PAK5: variants seen among roughly 807,000 people sequenced by gnomAD.
PAK5 encodes serine/threonine-protein kinase PAK 5.
A neutral mutation model predicts 65.9 loss-of-function variants in PAK5; 16 were observed. The ratio of observed to expected loss-of-function variants is 0.24; its 90% CI spans 0.16 to 0.37. The LOEUF is 0.37. Ranked by LOEUF, PAK5 falls within the 10% of genes least tolerant of loss-of-function variation. The pLI, the probability that PAK5 is intolerant of heterozygous loss-of-function variation, is 1.00. For synonymous variants in PAK5, 371 were observed against 354.9 expected, an observed-to-expected ratio of 1.05 and a Z score of -0.51; for missense variants, 785 against 903.9, an observed-to-expected ratio of 0.87 and a Z score of 1.69.
chr20:9,619,401 G>T (rs994851394), intron 3 of PAK5, among the ~76,000 whole-genome samples: 2 of 152,158 alleles, frequency 1.3e-5, no homozygotes, highest in Admixed American at 6.5e-5. Flanking sequence ...CTTTGAAGGA[G>T]ACACACTTGG....
chr20:9,540,501 TCA>T (rs2045243866), intron 9 of PAK5, among the ~76,000 whole-genome samples: 1 of 152,114 alleles, frequency 6.6e-6, no homozygotes, highest in Non-Finnish European at 1.5e-5. Flanking sequence ...CTTCTTTCAC[TCA>T]GTGTTGTATC....
chr20:9,722,673 C>A (rs1346660086), intron 1 of PAK5, among the ~76,000 whole-genome samples: 1 of 151,974 alleles, frequency 6.6e-6, no homozygotes, highest in Non-Finnish European at 1.5e-5. Context: ...GTGACCAGAC[C>A]ACGCATGGCT....
chr20:9,755,164 C>T (rs1160331993), intron 1 of PAK5, among the ~76,000 whole-genome samples: 1 of 152,178 alleles, frequency 6.6e-6, no homozygotes, highest in Non-Finnish European at 1.5e-5. Context: ...ACTTATTATA[C>T]TCAGGCAGTT....
chr20:9,679,858 C>A (rs138154527), intron 2 of PAK5, among the ~76,000 whole-genome samples: 15 of 152,334 alleles, frequency 9.8e-5, no homozygotes, highest in African/African-American at 3.6e-4. Flanking sequence ...AAAAGCGCAT[C>A]TCAGGAATGC....
intron 2 of PAK5, among the ~76,000 whole-genome samples, chr20:9,701,945 A>G (rs1312479069): frequency 6.6e-6 from 1 of 152,140 alleles, no homozygotes; most frequent in Non-Finnish European, 1.5e-5. Context: ...AGCTGCTGTA[A>G]GCCATGACTG....
At chr20:9,606,752 G>A (rs963782876) in intron 3 of PAK5, among the ~76,000 whole-genome samples, 2 of 152,172 alleles carry the variant, frequency 1.3e-5, no homozygotes, top group African/African-American at 4.8e-5. Flanking sequence ...TTGATCTGAT[G>A]TGTTTCCTTT....
Position 9,596,463 on chromosome 20 carries a change from C to T in PAK5, c.205-15533G>A, listed in dbSNP as rs375702625. Reference sequence around the variant, plus strand: ...CATCCTGGCTAACACAGTGAAACCCCGTCTCTACTAAAAATACAAAAAATT... The same window carrying T: ...CATCCTGGCTAACACAGTGAAACCCTGTCTCTACTAAAAATACAAAAAATT... On this transcript the variant is annotated intron_variant, in intron 3 of 9. Transcript: ENST00000353224. 1.6e-4 allele frequency among the ~76,000 whole-genome samples: 24 copies of T among 151,874 alleles called. 1 individual carries two copies. Among genetic ancestry groups the T allele is most frequent in the African/African-American group, 2.4e-4 (10 of 41,398 alleles).
chr20:9,757,377 T>C (rs766200693), intron 1 of PAK5, among the ~76,000 whole-genome samples: 6 of 152,128 alleles, frequency 3.9e-5, no homozygotes, highest in Non-Finnish European at 5.9e-5. Flanking sequence ...CCAAGATAGG[T>C]TGAAAATAAA....
At chr20:9,805,555 A>C (rs1203204362) in intron 1 of PAK5, among the ~76,000 whole-genome samples, 1 of 152,212 alleles carries the variant, frequency 6.6e-6, no homozygotes, top group Non-Finnish European at 1.5e-5. Context: ...AAGGAACAAA[A>C]TACTGATACA....
chr20:9,712,399 G>T (rs2048088628), intron 1 of PAK5, among the ~76,000 whole-genome samples: 1 of 152,036 alleles, frequency 6.6e-6, no homozygotes, highest in African/African-American at 2.4e-5. Flanking sequence ...CTTCATGAAA[G>T]ACCCAGGAAA....
At chr20:9,685,716 T>A (rs543625107) in intron 2 of PAK5, among the ~76,000 whole-genome samples, 4 of 152,348 alleles carry the variant, frequency 2.6e-5, no homozygotes, top group African/African-American at 9.6e-5. Flanking sequence ...ACAGTATCTG[T>A]ATAATTGGGA....
chr20:9,665,246 G>C, intron 2 of PAK5, among the ~76,000 whole-genome samples: 1 of 151,734 alleles, frequency 6.6e-6, no homozygotes. Flanking sequence ...AAGGACAACT[G>C]GATAGTCACC....
At chr20:9,565,460 G>A (rs1164279759) in intron 5 of PAK5, among the ~76,000 whole-genome samples, 1 of 152,098 alleles carries the variant, frequency 6.6e-6, no homozygotes, top group Non-Finnish European at 1.5e-5. Context: ...GGTATATTAT[G>A]ATATCATAGT....
Position 9,619,288 on chromosome 20 carries a change from G to A in PAK5, c.204+24837C>T, listed in dbSNP as rs76665570. Among the ~76,000 whole-genome samples, 1,022 of 152,176 alleles carry A rather than the reference G, an allele frequency of 6.7e-3. 8 individuals carry two copies. Among genetic ancestry groups the A allele is most frequent in the Middle Eastern group, 0.024 (7 of 294 alleles). On this transcript the variant is annotated intron_variant, in intron 3 of 9. Coordinates refer to ENST00000353224, the MANE Select transcript of PAK5 (RefSeq NM_177990.4). ...GAGAAAATAGAAACAAAGAAAGTTT[G>A]GAAGAAAAAAGCCATGACTGCTTTT...
chr20:9,832,733 C>G (rs992470473), intron 1 of PAK5, among the ~76,000 whole-genome samples: 1 of 152,134 alleles, frequency 6.6e-6, no homozygotes, highest in African/African-American at 2.4e-5. Context: ...AACACACCAC[C>G]TCATTGTTAT....
intron 1 of PAK5, among the ~76,000 whole-genome samples, chr20:9,748,548 T>C (rs2048535995): frequency 6.6e-6 from 1 of 152,116 alleles, no homozygotes; most frequent in Admixed American, 6.5e-5. Context: ...TCTACAACTA[T>C]CTGATCCAAA....
At chr20:9,651,245 T>C (rs1194742518) in intron 2 of PAK5, among the ~76,000 whole-genome samples, 1 of 152,198 alleles carries the variant, frequency 6.6e-6, no homozygotes, top group African/African-American at 2.4e-5. Flanking sequence ...TGGGTTGTTG[T>C]GAACATTCAG....
intron 1 of PAK5, among the ~76,000 whole-genome samples, chr20:9,825,267 T>C (rs992739964): frequency 6.6e-6 from 1 of 152,292 alleles, no homozygotes; most frequent in Non-Finnish European, 1.5e-5. Context: ...CCCAAGCAAA[T>C]AAAAACTCTA....
At chr20:9,740,666 A>G (rs74993789) in intron 1 of PAK5, among the ~76,000 whole-genome samples, 2,609 of 152,358 alleles carry the variant, frequency 0.017, 27 homozygotes, top group Middle Eastern at 0.048. Context: ...GATGAGAGAC[A>G]GAGCAGATTC....
Sources: allele counts gnomAD v4.1 joint callset (sites outside exome capture counted in the v4.1 genomes callset), GRCh38; gene constraint gnomAD v4.1.1; transcripts MANE v1.5; gene names NCBI Gene and HGNC (gene_info 2026-07-23, HGNC 2026-07-21).